The following TERT variants were observed in gnomAD, a reference collection of about 807,000 sequenced individuals.
TERT encodes the protein telomerase catalytic subunit.
A neutral mutation model predicts 104.0 loss-of-function variants in TERT; 42 were observed. The observed-to-expected ratio is 0.40, with a 90% CI of 0.32 to 0.52. The LOEUF is 0.52. Ranked by LOEUF, TERT falls within the 20% of genes least tolerant of loss-of-function variation. The pLI, the probability that TERT is intolerant of heterozygous loss-of-function variation, is 0.43. For missense variants in TERT, 1,101 were observed against 1,610.3 expected, an observed-to-expected ratio of 0.68 and a Z score of 5.41; for synonymous variants, 781 against 725.6, an observed-to-expected ratio of 1.08 and a Z score of -1.23.
At chr5:1,267,695 G>T (rs551433362) in intron 9 of TERT, among the ~76,000 whole-genome samples, 1 of 152,166 alleles carries the variant, frequency 6.6e-6, no homozygotes, top group Non-Finnish European at 1.5e-5. Context: ...GGACATGGAC[G>T]AAGCTGGAAA....
chr5:1,260,730 C>G, intron 11 of TERT, 130 bp from the exon 12 acceptor site: 1 of 1,348,974 alleles, frequency 7.4e-7, no homozygotes, highest in South Asian at 1.2e-5. Context: ...GCGCTGCAGC[C>G]CGAGGGGGCT....
In TERT at chr5:1,280,137, G is replaced by A. The variant is rs34471035; in HGVS notation, c.1950+21C>T. On this transcript the variant is annotated intron_variant, in intron 4 of 15. Coordinates refer to ENST00000310581, the MANE Select transcript of TERT (RefSeq NM_198253.3). ...AAACGCACTTCTGTTTAAAAAGGAA[G>A]TTAAACCAAAGCACAGCCACCCTCT... 1.9e-3 allele frequency: 3,102 copies of A among 1,613,714 alleles called. 42 individuals are homozygous for A. In the African/African-American group the frequency reaches 0.032, roughly 17 times the overall value.
Position 1,279,487 on chromosome 5 carries a change from G to A in TERT, c.1951-17C>T. On this transcript the variant is annotated splice_polypyrimidine_tract_variant and intron_variant, in intron 4 of 15. Transcript: ENST00000310581. Reference sequence around the variant, plus strand: ...ACGCTCGGCCTGGCGGGGACAGCATGGGAGACAGTCAGGAAAGTGGATCCG... The same window carrying A: ...ACGCTCGGCCTGGCGGGGACAGCATAGGAGACAGTCAGGAAAGTGGATCCG... 1 of 1,548,172 alleles carries A rather than the reference G, an allele frequency of 6.5e-7. No individual in the cohort carries two copies. The highest frequency in any genetic ancestry group is 2.3e-4 in the Middle Eastern group (1 of 4,436).
In TERT at chr5:1,270,199, A is replaced by G. The variant is rs1748921746; in HGVS notation, c.2468+920T>C. 6.6e-6 allele frequency among the ~76,000 whole-genome samples: 1 copy of G among 152,218 alleles called. No individual in the cohort carries two copies. Among genetic ancestry groups the G allele is most frequent in the East Asian group, 1.9e-4 (1 of 5,204 alleles). The stretch of plus-strand genomic sequence containing the variant: ...TGTACTACTTAATATTTCTAATTAT[A>G]CTTTAATAAATATTATAATTGCTGA... On this transcript the variant is annotated intron_variant, in intron 8 of 15. Coordinates refer to ENST00000310581, the MANE Select transcript of TERT (RefSeq NM_198253.3). The surrounding 1 kb of genome is among the most constrained non-coding windows in gnomAD (Gnocchi z 8.3).
chr5:1,293,582 ACAGAG>A lies in TERT; in HGVS notation c.1299_1303del (p.Ser434GlyfsTer103). 6.5e-7 allele frequency: 1 copy of A among 1,546,184 alleles called. No homozygotes were observed. The highest frequency in any genetic ancestry group is 8.7e-7 in the Non-Finnish European group (1 of 1,143,842). ...TGTGTCCTCCTCCTCGGGGGCCGCC[ACAGAG>A]CCCTGGGGCTTCTCCCGGGCACAGA... On this transcript the variant is annotated frameshift_variant, in exon 2 of 16. Transcript: ENST00000310581. LOFTEE classifies it high-confidence loss of function.
Position 1,292,216 on chromosome 5 carries a change from G to C in TERT, c.1573+1097C>G, listed in dbSNP as rs568108795. On this transcript the variant is annotated intron_variant, in intron 2 of 15. Transcript: ENST00000310581. This position sits in a 1 kb window ranked among gnomAD's most constrained non-coding sequence, Gnocchi z 5.5. ...ATGTCTTGGGAGTTTGTGGGGAGGG[G>C]GTGAAATCGGGACTTCTTCTAGCTG... Among the ~76,000 whole-genome samples the C allele has an allele frequency of 6.6e-6, 1 of 152,250 alleles. No homozygotes were observed. The highest frequency in any genetic ancestry group is 1.9e-4 in the East Asian group (1 of 5,174).
At position 1,292,511 on chromosome 5, in the gene TERT, C is replaced by T. The variant is rs34006362; in HGVS notation, c.1573+802G>A. 6.6e-4 allele frequency among the ~76,000 whole-genome samples: 85 copies of T among 129,744 alleles called. No individual in the cohort carries two copies. The highest frequency in any genetic ancestry group is 2.4e-3 in the East Asian group (10 of 4,186). The allele number at this position is 129,744 out of a possible 152,430, so 85.1% of individuals were successfully genotyped here. A position where few individuals can be genotyped will look rare whatever the true frequency, so the allele number is the denominator to read the frequency against. On this transcript the variant is annotated intron_variant, in intron 2 of 15. Transcript: ENST00000310581. The surrounding 1 kb of genome is among the most constrained non-coding windows in gnomAD (Gnocchi z 5.5). The stretch of plus-strand genomic sequence containing the variant: ...CTCTACCCTGTCCTGGCACAATCAA[C>T]GAACACTTTTTTTTTTTAAAGACAG...
intron 6 of TERT, 76 bp from the exon 7 acceptor site, chr5:1,272,356 C>T (rs1453398825): frequency 7.7e-7 from 1 of 1,298,438 alleles, no homozygotes; most frequent in Non-Finnish European, 1.1e-6. Flanking sequence ...TTCTTCCGAT[C>T]AGGACGTGTG....
At position 1,286,016 on chromosome 5, in the gene TERT, C is replaced by T. The variant is rs1484103014; in HGVS notation, c.1574-3392G>A. 1.3e-5 allele frequency among the ~76,000 whole-genome samples: 2 copies of T among 152,120 alleles called. No individual in the cohort carries two copies. Among genetic ancestry groups the T allele is most frequent in the Non-Finnish European group, 2.9e-5 (2 of 68,022 alleles). ...CAGCACCGTCAGAGCTGGCGCCACACCGCAGGTTTGCGCGATTTCAAACTC... is the reference window on the plus strand; with the variant it reads ...CAGCACCGTCAGAGCTGGCGCCACATCGCAGGTTTGCGCGATTTCAAACTC... On this transcript the variant is annotated intron_variant, in intron 2 of 15. Transcript: ENST00000310581. The surrounding 1 kb of genome is among the most constrained non-coding windows in gnomAD (Gnocchi z 5.3).
Position 1,293,819 on chromosome 5 carries a change from C to G in TERT, c.1067G>C (p.Gly356Ala), listed in dbSNP as rs1307031795. Residue 356 changes from glycine to alanine, a missense_variant, in exon 2 of 16, where the codon GGC becomes GCC. By Grantham distance (60) the Gly-to-Ala change is moderately conservative. Around this residue, in one of 5 missense-constraint regions of TERT, gnomAD observed 504 missense variants for 544.6 expected, o/e 0.93. Coordinates refer to ENST00000310581, the MANE Select transcript of TERT (RefSeq NM_198253.3). ...GATGGTCTCCACGAGCCTCCGAGCG[C>G]CAGTCAGGCTGGGCCTCAGAGAGCT... ...LLSSLRPSLT[G>A]ARRLVETIFL... The G allele has an allele frequency of 1.3e-6, 2 of 1,550,310 alleles. No homozygotes were observed. Among genetic ancestry groups the G allele is most frequent in the Admixed American group, 3.9e-5 (2 of 51,044 alleles).
chr5:1,259,945 G>GGACGCCCACAGGAGAGGGGGTGTT (rs1561190421), intron 12 of TERT, among the ~76,000 whole-genome samples: 4 of 144,690 alleles, frequency 2.8e-5, no homozygotes, highest in Admixed American at 2.7e-4. Flanking sequence ...GAGGGGGTGT[G>GGACGCCCACAGGAGAGGGGGTGTT]GACGCCCACA....
At chr5:1,264,205 C>T in intron 11 of TERT, 199 bp downstream of exon 11, 1 of 615,488 alleles carries the variant, frequency 1.6e-6, no homozygotes. Context: ...GAAAACTGCT[C>T]CCGTTGTGAG....
rs34881188 is a variant in TERT, at chr5:1,268,481, A to AC, written c.2582+38dup. Reference sequence around the variant, plus strand: ...CACTGAATGCATCAAAAGCAAATCAACCCCCACCCAAGCCCCCCTGGGGAA... The same window carrying AC: ...CACTGAATGCATCAAAAGCAAATCAACCCCCCACCCAAGCCCCCCTGGGGAA... On this transcript the variant is annotated intron_variant, in intron 9 of 15. Coordinates refer to ENST00000310581, the MANE Select transcript of TERT (RefSeq NM_198253.3). This position sits in a 1 kb window ranked among gnomAD's most constrained non-coding sequence, Gnocchi z 5.5. The AC allele has an allele frequency of 2.0e-6, 3 of 1,524,208 alleles. No individual in the cohort carries two copies. The highest frequency in any genetic ancestry group is 2.3e-5 in the East Asian group (1 of 43,868). The allele number at this position is 1,524,208 out of a possible 1,614,324, so 94.4% of individuals were successfully genotyped here. A position where few individuals can be genotyped will look rare whatever the true frequency, so the allele number is the denominator to read the frequency against.
chr5:1,258,770 A>G, intron 12 of TERT, 111 bp from the exon 13 acceptor site: 2 of 949,358 alleles, frequency 2.1e-6, no homozygotes, highest in Non-Finnish European at 3.3e-6. Context: ...GAACATTTTG[A>G]CAAGAAACTA....
intron 6 of TERT, among the ~76,000 whole-genome samples, chr5:1,278,440 G>GCC (rs1443215856): frequency 7.1e-6 from 1 of 141,702 alleles, no homozygotes; most frequent in African/African-American, 2.6e-5. Context: ...ACACACACGT[G>GCC]CCACACACAC....
chr5:1,277,177 C>A (rs555635752), intron 6 of TERT, among the ~76,000 whole-genome samples: 1 of 152,328 alleles, frequency 6.6e-6, no homozygotes, highest in Non-Finnish European at 1.5e-5. Context: ...CCAGCGGCCA[C>A]CGGAGGCATC....
Position 1,294,174 on chromosome 5 carries a change from G to A in TERT, c.712C>T (p.Pro238Ser), listed in dbSNP as rs149427814. Residue 238 changes from proline to serine, a missense_variant, in exon 2 of 16, where the codon CCC becomes TCC. Physicochemically the swap from Pro to Ser is moderately conservative, Grantham distance 74 (BLOSUM62 -1). Coordinates refer to ENST00000310581, the MANE Select transcript of TERT (RefSeq NM_198253.3). ...GGCTCAGGGGCAGCGCCACGCCTGG[G>A]CCTCTTGGGCAACGGCAGACTTCGG... ...ASRSLPLPKRPRRGAAPEPER... is the reference protein window; with the variant it reads ...ASRSLPLPKRSRRGAAPEPER... 3.2e-6 allele frequency: 5 copies of A among 1,582,232 alleles called. No individual in the cohort carries two copies. The highest frequency in any genetic ancestry group is 1.3e-5 in the African/African-American group (1 of 74,300).
intron 2 of TERT, among the ~76,000 whole-genome samples, chr5:1,285,168 C>T (rs201256722): frequency 8.4e-4 from 89 of 106,154 alleles, no homozygotes; most frequent in East Asian, 5.5e-3. Flanking sequence ...ACCTCCAGCT[C>T]ACCGAGGGCC....
chr5:1,275,979 A>C (rs981311745), intron 6 of TERT, among the ~76,000 whole-genome samples: 1 of 142,086 alleles, frequency 7.0e-6, no homozygotes, highest in African/African-American at 2.6e-5. Flanking sequence ...ACCCCCACAC[A>C]TAAAAACCAA....
Sources: allele counts gnomAD v4.1 joint callset (sites outside exome capture counted in the v4.1 genomes callset), GRCh38; gene constraint gnomAD v4.1.1; regional missense constraint gnomAD v4.1.1; non-coding constraint Gnocchi (gnomAD v3.1); transcripts MANE v1.5; gene names NCBI Gene and HGNC (gene_info 2026-07-23, HGNC 2026-07-21).